KCNH1: variants seen among roughly 807,000 people sequenced by gnomAD.
The protein encoded by KCNH1 is voltage-gated delayed rectifier potassium channel KCNH1.
In KCNH1, 27 loss-of-function variants were observed where a neutral mutation model predicts 69.2. The ratio of observed to expected loss-of-function variants is 0.39; its 90% CI spans 0.29 to 0.54. The LOEUF is 0.54. Ranked by LOEUF, KCNH1 falls within the 20% of genes least tolerant of loss-of-function variation. The pLI, the probability that KCNH1 is intolerant of heterozygous loss-of-function variation, is 0.68. For synonymous variants in KCNH1, 456 were observed against 487.7 expected (o/e 0.93, Z 0.86); for missense variants, 798 against 1,261.6 (o/e 0.63, Z 5.57).
intron 6 of KCNH1, among the ~76,000 whole-genome samples, chr1:210,940,507 C>T (rs756170353): frequency 6.6e-6 from 1 of 152,198 alleles, no homozygotes; most frequent in Non-Finnish European, 1.5e-5. Context: ...TAGCTTGCAA[C>T]CTTCCATTTG....
intron 9 of KCNH1, among the ~76,000 whole-genome samples, chr1:210,777,425 T>C (rs1683884017): frequency 6.6e-6 from 1 of 152,196 alleles, no homozygotes; most frequent in African/African-American, 2.4e-5. Context: ...AATATGTCTT[T>C]AAAACTGTGC....
chr1:210,736,374 C>T (rs558751349), intron 10 of KCNH1, among the ~76,000 whole-genome samples: 1 of 152,216 alleles, frequency 6.6e-6, no homozygotes, highest in South Asian at 2.1e-4. Context: ...CAAGGAGAAA[C>T]CCCATCTCTA....
intron 5 of KCNH1, among the ~76,000 whole-genome samples, chr1:211,031,934 T>A (rs1465369709): frequency 2.0e-5 from 3 of 152,058 alleles, no homozygotes; most frequent in South Asian, 2.1e-4. Flanking sequence ...GAGAAGGAAA[T>A]AAAGGGTATT....
rs374274359 is a variant in KCNH1, at chr1:211,005,756, G to C, written c.1032+13027C>G. Among the ~76,000 whole-genome samples, 8 of 152,100 alleles carry C rather than the reference G, an allele frequency of 5.3e-5. No homozygotes were observed. In the South Asian group the frequency reaches 1.7e-3, roughly 31 times the overall value. On this transcript the variant is annotated intron_variant, in intron 6 of 10. Transcript: ENST00000271751. Reference sequence around the variant, plus strand: ...AAATTGATATATTTCTCTAAATTAAGAACTTTTGCTCATCAAAATGCATCC... The same window carrying C: ...AAATTGATATATTTCTCTAAATTAACAACTTTTGCTCATCAAAATGCATCC...
At chr1:211,081,150 G>A (rs934757777) in intron 5 of KCNH1, among the ~76,000 whole-genome samples, 11 of 152,054 alleles carry the variant, frequency 7.2e-5, no homozygotes, top group African/African-American at 2.4e-4. Context: ...ATCAAAAAGT[G>A]GGCAAAAGAT....
At chr1:210,985,766 CG>C (rs1558554459) in intron 6 of KCNH1, among the ~76,000 whole-genome samples, 1 of 152,004 alleles carries the variant, frequency 6.6e-6, no homozygotes, top group Non-Finnish European at 1.5e-5. Flanking sequence ...TCTGTTGAGT[CG>C]GGGTGGAGAG....
At chr1:211,113,760 T>A (rs1249987854) in intron 1 of KCNH1, among the ~76,000 whole-genome samples, 1 of 152,010 alleles carries the variant, frequency 6.6e-6, no homozygotes, top group African/African-American at 2.4e-5. Context: ...CTGCTGAAGT[T>A]GAATAAGCAG....
intron 10 of KCNH1, among the ~76,000 whole-genome samples, chr1:210,762,804 G>C (rs949664321): frequency 2.0e-5 from 3 of 151,974 alleles, no homozygotes; most frequent in Non-Finnish European, 4.4e-5. Context: ...ACAAAGAAAA[G>C]CTGGTTCCAA....
chr1:210,922,415 A>C (rs1265012530), intron 6 of KCNH1, among the ~76,000 whole-genome samples: 68 of 135,558 alleles, frequency 5.0e-4, no homozygotes, highest in South Asian at 4.8e-4. Flanking sequence ...AAAAAAAAAA[A>C]AAAAAACCTG....
chr1:210,687,217 A>G (rs1403425881), intron 10 of KCNH1, among the ~76,000 whole-genome samples: 1 of 152,246 alleles, frequency 6.6e-6, no homozygotes, highest in East Asian at 1.9e-4. Flanking sequence ...AAGGCTTAAC[A>G]TAATTCATGG....
chr1:210,803,641 T>C (rs141327504), intron 8 of KCNH1, among the ~76,000 whole-genome samples: 79 of 152,374 alleles, frequency 5.2e-4, no homozygotes, highest in African/African-American at 1.8e-3. Flanking sequence ...TTGACAATAC[T>C]GATCTCCCGT....
At chr1:210,888,608 A>G (rs1686674058) in intron 7 of KCNH1, among the ~76,000 whole-genome samples, 1 of 152,194 alleles carries the variant, frequency 6.6e-6, no homozygotes. Context: ...CAAAAAAATC[A>G]ATGAATCCAG....
At chr1:210,809,088 G>A (rs552086449) in intron 7 of KCNH1, among the ~76,000 whole-genome samples, 41 of 147,848 alleles carry the variant, frequency 2.8e-4, no homozygotes, top group Admixed American at 2.0e-3. Context: ...ATATCACAGC[G>A]ATTCCTACCC....
chr1:210,945,735 T>TCCA (rs1687947788), intron 6 of KCNH1, among the ~76,000 whole-genome samples: 1 of 152,154 alleles, frequency 6.6e-6, no homozygotes, highest in Non-Finnish European at 1.5e-5. Context: ...TGGGTACCCT[T>TCCA]CCACCGCAGG....
At chr1:210,983,297 G>C (rs1019704651) in intron 6 of KCNH1, among the ~76,000 whole-genome samples, 1 of 152,162 alleles carries the variant, frequency 6.6e-6, no homozygotes, top group Non-Finnish European at 1.5e-5. Flanking sequence ...TGTCAATTTT[G>C]TCTTTTGTTG....
In KCNH1 at chr1:210,990,229, T is replaced by C. The variant is rs576090699; in HGVS notation, c.1032+28554A>G. 9.0e-4 allele frequency among the ~76,000 whole-genome samples: 137 copies of C among 152,284 alleles called. 1 individual carries two copies. Among genetic ancestry groups the C allele is most frequent in the Non-Finnish European group, 1.6e-3 (111 of 68,014 alleles). ...TTTCCAGAGATTTATACAGCAAGGA[T>C]GGTGAATTCAATTGTAAATATGAGA... On this transcript the variant is annotated intron_variant, in intron 6 of 10. Coordinates refer to ENST00000271751, the MANE Select transcript of KCNH1 (RefSeq NM_172362.3).
rs1223690747 is a variant in KCNH1, at chr1:210,683,585, A to G, written c.2666T>C (p.Leu889Ser). 16 of 1,613,884 alleles carry G rather than the reference A, an allele frequency of 9.9e-6. No homozygotes were observed. Among genetic ancestry groups the G allele is most frequent in the Non-Finnish European group, 1.3e-5 (15 of 1,180,006 alleles). ...SCDSGITKSD[L>S]RLDNVGEARS... ...GGCCTCACCCACGTTGTCCAGGCGC[A>G]AGTCGCTCTTGGTGATGCCACTGTC... The change falls in exon 11 of 11, where the codon TTG becomes TCG. Residue 889 changes from leucine (L) to serine (S), a missense_variant. Physicochemically the swap from Leu to Ser is moderately radical, Grantham distance 145. Around this residue, in one of 4 missense-constraint regions of KCNH1, gnomAD observed 331 missense variants for 363.2 expected, o/e 0.91. Coordinates refer to ENST00000271751, the MANE Select transcript of KCNH1 (RefSeq NM_172362.3). The surrounding 1 kb of genome is among the most constrained non-coding windows in gnomAD (Gnocchi z 5.7).
chr1:210,975,643 A>C (rs950350182), intron 6 of KCNH1, among the ~76,000 whole-genome samples: 9 of 152,366 alleles, frequency 5.9e-5, no homozygotes, highest in Non-Finnish European at 1.3e-4. Context: ...AAGCCATAAA[A>C]ACTCTAGAAG....
chr1:210,874,390 T>C (rs1294149254), intron 7 of KCNH1, among the ~76,000 whole-genome samples: 1 of 152,240 alleles, frequency 6.6e-6, no homozygotes, highest in African/African-American at 2.4e-5. Flanking sequence ...CCTGATACTA[T>C]GACTAAGCAG....
Sources: gnomAD v4.1 joint callset for allele counts (sites outside exome capture counted in the v4.1 genomes callset) on GRCh38, gnomAD v4.1.1 for gene constraint, gnomAD v4.1.1 regional missense constraint, Gnocchi (gnomAD v3.1) non-coding constraint, MANE v1.5 for transcripts, NCBI Gene and HGNC (gene_info 2026-07-23, HGNC 2026-07-21) for gene names.